The following ARHGAP12 variants were observed in gnomAD, a reference collection of about 807,000 sequenced individuals.
ARHGAP12 encodes the protein rho GTPase-activating protein 12.
ARHGAP12 carries 64 observed loss-of-function variants against 108.6 expected under a neutral mutation model. The ratio of observed to expected loss-of-function variants is 0.59; its 90% CI spans 0.48 to 0.73. The LOEUF (loss-of-function observed/expected upper bound fraction) is 0.73, where lower values mean the gene tolerates loss of function less well. Among genes scored for constraint, ARHGAP12 ranks in the 30% least tolerant of loss-of-function variants. ARHGAP12 has a pLI of 0.00. For synonymous variants in ARHGAP12, 312 were observed against 337.2 expected (o/e 0.93, Z 0.82); for missense variants, 940 against 1,005.9 (o/e 0.93, Z 0.89).
At chr10:31,827,063 T>C (rs998870840) in intron 10 of ARHGAP12, 4 of 152,226 alleles carry the variant, frequency 2.6e-5, no homozygotes, top group Non-Finnish European at 4.4e-5. Context: ...GACTTTGGTA[T>C]AATATGGGGC....
Position 31,808,683 on chromosome 10 carries a change from C to T in ARHGAP12, c.2332G>A (p.Asp778Asn). The T allele has an allele frequency of 1.2e-6, 2 of 1,613,454 alleles. No individual in the cohort carries two copies. Among genetic ancestry groups the T allele is most frequent in the South Asian group, 2.2e-5 (2 of 91,050 alleles). Residue 778 changes from aspartate (D) to asparagine (N), a missense_variant, in exon 19 of 20, where the codon GAC (aspartate) becomes AAC (asparagine). Transcript: ENST00000344936. ...LIRQLPKPNQ[D>N]TMQILFRHLR... Reference sequence around the variant, plus strand: ...TGTCGGAAAAGAATCTGCATTGTGTCTTGGTTTGGCTTTGGCAACTGTCTG... The same window carrying T: ...TGTCGGAAAAGAATCTGCATTGTGTTTTGGTTTGGCTTTGGCAACTGTCTG...
At chr10:31,821,664 T>C (rs1040222355) in intron 11 of ARHGAP12, among the ~76,000 whole-genome samples, 3 of 152,196 alleles carry the variant, frequency 2.0e-5, no homozygotes, top group Non-Finnish European at 4.4e-5. Flanking sequence ...CTGTTCCCGT[T>C]TACATCTTTT....
At chr10:31,858,476 G>C (rs1200081737) in intron 4 of ARHGAP12, among the ~76,000 whole-genome samples, 1 of 152,038 alleles carries the variant, frequency 6.6e-6, no homozygotes, top group African/African-American at 2.4e-5. Flanking sequence ...CCAGCTACTG[G>C]GGAAGTTGAG....
intron 4 of ARHGAP12, among the ~76,000 whole-genome samples, chr10:31,858,163 A>C (rs2808086): frequency 6.6e-6 from 1 of 152,208 alleles, no homozygotes; most frequent in Non-Finnish European, 1.5e-5. Context: ...TATGACCACA[A>C]CACTGTACCC....
chr10:31,862,857 A>G (rs1398105343), intron 3 of ARHGAP12, among the ~76,000 whole-genome samples: 1 of 152,186 alleles, frequency 6.6e-6, no homozygotes, highest in Non-Finnish European at 1.5e-5. Context: ...AAATCCTAGA[A>G]TTATATTCAG....
chr10:31,923,482 C>G (rs1226550434), intron 1 of ARHGAP12, among the ~76,000 whole-genome samples: 1 of 152,132 alleles, frequency 6.6e-6, no homozygotes. Flanking sequence ...AAAATTAAAG[C>G]ATATGTAGAC....
chr10:31,833,619 C>G (rs144731059), intron 9 of ARHGAP12, among the ~76,000 whole-genome samples: 1 of 152,184 alleles, frequency 6.6e-6, no homozygotes, highest in Non-Finnish European at 1.5e-5. Context: ...ACATAAAGAA[C>G]AAAATTTGCT....
intron 1 of ARHGAP12, among the ~76,000 whole-genome samples, chr10:31,926,088 G>A (rs1045996223): frequency 3.3e-5 from 5 of 152,130 alleles, no homozygotes; most frequent in African/African-American, 9.7e-5. Context: ...GCATCCATAT[G>A]ACCAAGTGGA....
intron 1 of ARHGAP12, among the ~76,000 whole-genome samples, chr10:31,923,303 C>T (rs74632274): frequency 0.013 from 1,969 of 152,218 alleles, 36 homozygotes; most frequent in African/African-American, 0.044. Context: ...ATGGCTAAGT[C>T]AGGTCATACC....
intron 3 of ARHGAP12, among the ~76,000 whole-genome samples, chr10:31,895,918 G>A (rs1361985457): frequency 6.6e-6 from 1 of 152,202 alleles, no homozygotes; most frequent in South Asian, 2.1e-4. Flanking sequence ...CATAAAAAAG[G>A]ATGAGTTCAT....
intron 6 of ARHGAP12, among the ~76,000 whole-genome samples, chr10:31,850,229 TTATTGTATTAATA>T (rs1836622263): frequency 6.6e-6 from 1 of 152,228 alleles, no homozygotes; most frequent in Non-Finnish European, 1.5e-5. Context: ...GTTTATTTAA[TTATTGTATTAATA>T]AAATATTAGT....
intron 18 of ARHGAP12, 33 bp from the exon 19 acceptor site, chr10:31,808,784 CA>C: frequency 1.9e-6 from 3 of 1,601,040 alleles, no homozygotes; most frequent in Non-Finnish European, 2.6e-6. Flanking sequence ...TATTTTACAG[CA>C]AATTCTTATG....
intron 3 of ARHGAP12, among the ~76,000 whole-genome samples, chr10:31,879,183 G>A (rs1440191856): frequency 6.6e-6 from 1 of 152,220 alleles, no homozygotes; most frequent in Non-Finnish European, 1.5e-5. Context: ...GGCCTAGGCA[G>A]GCAGATTGCT....
At chr10:31,902,354 T>TATAAG (rs1838963669) in intron 3 of ARHGAP12, among the ~76,000 whole-genome samples, 24 of 150,806 alleles carry the variant, frequency 1.6e-4, no homozygotes, top group Admixed American at 1.5e-3. Flanking sequence ...AGAATCTTGA[T>TATAAG]CTAAGGCTCA....
intron 3 of ARHGAP12, among the ~76,000 whole-genome samples, chr10:31,904,831 T>C (rs1445011158): frequency 6.6e-6 from 1 of 152,062 alleles, no homozygotes; most frequent in Non-Finnish European, 1.5e-5. Context: ...TTCGCCATGT[T>C]TCTCAATTTA....
intron 3 of ARHGAP12, among the ~76,000 whole-genome samples, chr10:31,863,525 A>T (rs965374949): frequency 2.6e-5 from 4 of 152,196 alleles, no homozygotes; most frequent in Non-Finnish European, 5.9e-5. Flanking sequence ...TTAAATTTTT[A>T]AAGTTTTTCC....
chr10:31,862,705 GACACACACACACACACACACACACAC>G (rs559731195), intron 3 of ARHGAP12, among the ~76,000 whole-genome samples: 2 of 133,186 alleles, frequency 1.5e-5, no homozygotes, highest in African/African-American at 2.8e-5. Context: ...TGCACACACA[GACACACACACACACACACACACACAC>G]ACACACACAC....
intron 2 of ARHGAP12, among the ~76,000 whole-genome samples, chr10:31,910,257 T>C (rs1475958461): frequency 2.0e-5 from 3 of 152,158 alleles, no homozygotes; most frequent in Non-Finnish European, 4.4e-5. Flanking sequence ...AAACTGAGAT[T>C]TACCAAAAAT....
intron 3 of ARHGAP12, among the ~76,000 whole-genome samples, chr10:31,876,619 A>G (rs1444312259): frequency 6.6e-6 from 1 of 152,138 alleles, no homozygotes; most frequent in Non-Finnish European, 1.5e-5. Context: ...ACTGAAGACC[A>G]TTAATCCAAA....
Sources: gnomAD v4.1 joint callset for allele counts (sites outside exome capture counted in the v4.1 genomes callset) on GRCh38, gnomAD v4.1.1 for gene constraint, MANE v1.5 for transcripts, NCBI Gene and HGNC (gene_info 2026-07-23, HGNC 2026-07-21) for gene names.